ARHGEF9: variants seen among roughly 807,000 people sequenced by gnomAD.
ARHGEF9 encodes the protein Cdc42 guanine nucleotide exchange factor 9, also known as rho guanine nucleotide exchange factor 9.
Under a neutral mutation model 41.3 loss-of-function variants are expected in ARHGEF9, and 2 were observed. That is an observed-to-expected ratio of 0.05 (90% confidence interval 0.02 to 0.15). ARHGEF9 has a LOEUF of 0.15. Among genes scored for constraint, ARHGEF9 ranks in the 10% least tolerant of loss-of-function variants. ARHGEF9 has a pLI of 1.00. For missense variants in ARHGEF9, 225 were observed against 424.7 expected (o/e 0.53, Z 4.13); for synonymous variants, 160 against 154.4 (o/e 1.04, Z -0.27).
intron 5 of ARHGEF9, among the ~76,000 whole-genome samples, chrX:63,677,266 G>T (rs1482902210): frequency 8.9e-6 from 1 of 111,935 alleles, no homozygotes; most frequent in Non-Finnish European, 1.9e-5. Flanking sequence ...CCTCTTACAT[G>T]CAGTCTTCAT....
At chrX:63,762,066 C>A (rs1556449858) in intron 1 of ARHGEF9, among the ~76,000 whole-genome samples, 1 of 111,700 alleles carries the variant, frequency 9.0e-6, no homozygotes, top group Admixed American at 9.5e-5. Flanking sequence ...GTGAACATTT[C>A]TCTCAGTATC....
chrX:63,678,608 C>T (rs781887636), intron 4 of ARHGEF9, 36 bp from the exon 5 acceptor site: 27 of 1,026,003 alleles, frequency 2.6e-5, no homozygotes, highest in Admixed American at 5.1e-5. Context: ...GAAAAGTCTA[C>T]CAAGGACCCC....
chrX:63,780,289 T>C (rs782769249), intron 1 of ARHGEF9, among the ~76,000 whole-genome samples: 11 of 111,914 alleles, frequency 9.8e-5, no homozygotes, highest in Non-Finnish European at 1.7e-4. Flanking sequence ...CTTCTGTTAT[T>C]CATAGCTGAA....
At chrX:63,784,020 C>T (rs1478133258) in intron 1 of ARHGEF9, among the ~76,000 whole-genome samples, 2 of 111,615 alleles carry the variant, frequency 1.8e-5, no homozygotes, top group African/African-American at 6.5e-5. Context: ...TAGCCCACAC[C>T]AGATTCCCTC....
At chrX:63,685,553 C>G (rs1485414213) in intron 4 of ARHGEF9, among the ~76,000 whole-genome samples, 24 of 111,899 alleles carry the variant, frequency 2.1e-4, no homozygotes, top group African/African-American at 7.8e-4. Flanking sequence ...GTTATGCTAT[C>G]TGATTTAAAG....
chrX:63,647,095 T>C (rs1453531433), intron 8 of ARHGEF9, among the ~76,000 whole-genome samples: 3 of 112,121 alleles, frequency 2.7e-5, no homozygotes, highest in Admixed American at 9.5e-5. Context: ...CCTGAGACTT[T>C]GCTGAAGTTG....
At chrX:63,760,728 T>C (rs1272639589) in intron 1 of ARHGEF9, among the ~76,000 whole-genome samples, 1 of 111,891 alleles carries the variant, frequency 8.9e-6, no homozygotes, top group Non-Finnish European at 1.9e-5. Flanking sequence ...AGGAAACACC[T>C]ACTCACCTAC....
At chrX:63,754,996 T>G in intron 1 of ARHGEF9, 1 of 939,216 alleles carries the variant, frequency 1.1e-6, no homozygotes, top group Admixed American at 5.7e-5. Context: ...CCGGTCAGTC[T>G]CAGTCTCCCC....
chrX:63,732,564 C>A (rs2054369954), intron 1 of ARHGEF9, among the ~76,000 whole-genome samples: 1 of 111,506 alleles, frequency 9.0e-6, no homozygotes, highest in Non-Finnish European at 1.9e-5. Flanking sequence ...AATCTTAAAG[C>A]ATTTTTGCTA....
intron 1 of ARHGEF9, chrX:63,754,385 C>T (rs1284612848): frequency 1.7e-5 from 21 of 1,203,786 alleles, no homozygotes; most frequent in Non-Finnish European, 2.4e-5. Context: ...TTCTTTCTCT[C>T]TCTTTCCCTG....
intron 3 of ARHGEF9, among the ~76,000 whole-genome samples, chrX:63,702,090 G>A (rs781843242): frequency 1.8e-5 from 2 of 112,555 alleles, no homozygotes; most frequent in South Asian, 7.3e-4. Flanking sequence ...TGAAGCTACA[G>A]CATGCCTAAG....
At chrX:63,645,921 C>A (rs2048021019) in intron 8 of ARHGEF9, among the ~76,000 whole-genome samples, 1 of 112,092 alleles carries the variant, frequency 8.9e-6, no homozygotes, top group South Asian at 3.7e-4. Context: ...GATCGCCATT[C>A]CAACTGGAGT....
At chrX:63,695,189 G>T (rs1376020640) in intron 4 of ARHGEF9, among the ~76,000 whole-genome samples, 1 of 111,985 alleles carries the variant, frequency 8.9e-6, no homozygotes, top group Admixed American at 9.4e-5. Context: ...AGTGGCTAGA[G>T]ACCAGGAATG....
intron 1 of ARHGEF9, among the ~76,000 whole-genome samples, chrX:63,747,877 T>A (rs1556436042): frequency 8.9e-6 from 1 of 112,534 alleles, no homozygotes; most frequent in African/African-American, 3.2e-5. Flanking sequence ...ACTACAGTTG[T>A]AGTACTGACC....
chrX:63,710,773 C>T (rs1200203722), intron 2 of ARHGEF9, among the ~76,000 whole-genome samples: 61 of 111,189 alleles, frequency 5.5e-4, no homozygotes, highest in African/African-American at 2.0e-3. Context: ...CAATCAAGAA[C>T]AAGACAAGGA....
At chrX:63,776,693 A>G (rs2056298506) in intron 1 of ARHGEF9, among the ~76,000 whole-genome samples, 1 of 111,499 alleles carries the variant, frequency 9.0e-6, no homozygotes, top group Non-Finnish European at 1.9e-5. Context: ...AAAGCCTGAA[A>G]CAATAGTGCT....
At chrX:63,644,070 T>G in intron 8 of ARHGEF9, 22 bp from the exon 9 acceptor site, 1 of 1,164,078 alleles carries the variant, frequency 8.6e-7, no homozygotes, top group Non-Finnish European at 1.2e-6. Context: ...AAATATATGA[T>G]TTTTTAAATG....
chrX:63,645,239 T>G (rs2047945352), intron 8 of ARHGEF9, among the ~76,000 whole-genome samples: 2 of 111,418 alleles, frequency 1.8e-5, no homozygotes, highest in Admixed American at 1.9e-4. Context: ...TTCACTTTTT[T>G]TAATATACTT....
intron 4 of ARHGEF9, among the ~76,000 whole-genome samples, chrX:63,683,654 A>G (rs1478081536): frequency 8.9e-6 from 1 of 111,964 alleles, no homozygotes; most frequent in Non-Finnish European, 1.9e-5. Flanking sequence ...AAACAGATAT[A>G]CCAATGTAAT....
Sources: gnomAD v4.1 joint callset for allele counts (sites outside exome capture counted in the v4.1 genomes callset) on GRCh38, gnomAD v4.1.1 for gene constraint, MANE v1.5 for transcripts, NCBI Gene and HGNC (gene_info 2026-07-23, HGNC 2026-07-21) for gene names.